ACAP2: variants seen among roughly 807,000 people sequenced by gnomAD.
The protein encoded by ACAP2 is ArfGAP with coiled-coil, ankyrin repeat and PH domains 2.
Under a neutral mutation model 115.8 loss-of-function variants are expected in ACAP2, and 39 were observed. The observed-to-expected ratio is 0.34, with a 90% CI of 0.26 to 0.44. ACAP2 has a LOEUF of 0.44. ACAP2 is among the 20% of genes least tolerant of loss of function. ACAP2 has a pLI of 1.00. For synonymous variants in ACAP2, 289 were observed against 315.8 expected, an observed-to-expected ratio of 0.92 and a Z score of 0.90; for missense variants, 662 against 927.6, an observed-to-expected ratio of 0.71 and a Z score of 3.72.
chr3:195,394,641 G>A (rs537090932), intron 1 of ACAP2, among the ~76,000 whole-genome samples: 2 of 152,246 alleles, frequency 1.3e-5, no homozygotes, highest in East Asian at 3.9e-4. Flanking sequence ...CAGAGCAAAA[G>A]CCAGTCTCTA....
chr3:195,315,568 T>C (rs945461752), intron 10 of ACAP2, among the ~76,000 whole-genome samples: 1 of 152,042 alleles, frequency 6.6e-6, no homozygotes, highest in African/African-American at 2.4e-5. Context: ...TGAGGAAGAG[T>C]TCAGAGTTCC....
intron 1 of ACAP2, among the ~76,000 whole-genome samples, chr3:195,434,233 T>G (rs1715359503): frequency 1.3e-5 from 2 of 151,620 alleles, no homozygotes; most frequent in African/African-American, 4.9e-5. Context: ...TTGGCCTGGT[T>G]TTGTTTTTTT....
intron 4 of ACAP2, among the ~76,000 whole-genome samples, chr3:195,374,526 A>G (rs1733383034): frequency 6.6e-6 from 1 of 152,216 alleles, no homozygotes; most frequent in Admixed American, 6.5e-5. Context: ...TTAAGTTCTA[A>G]TTACATGTGA....
intron 1 of ACAP2, among the ~76,000 whole-genome samples, chr3:195,399,116 T>C (rs2108786545): frequency 6.6e-6 from 1 of 152,292 alleles, no homozygotes; most frequent in Non-Finnish European, 1.5e-5. Context: ...CTAAGTAAGA[T>C]TTCCTCCAGG....
Position 195,342,463 on chromosome 3 carries a change from C to T in ACAP2, c.528+8G>A. On this transcript the variant is annotated splice_region_variant and intron_variant, in intron 6 of 22. Coordinates refer to ENST00000326793, the MANE Select transcript of ACAP2 (RefSeq NM_012287.6). ...GTCTGAAAACATACACAGTAAGAAA[C>T]TATATACCTGAAGCACATAATCGAG... 1.9e-6 allele frequency: 3 copies of T among 1,591,392 alleles called. No homozygotes were observed. Among genetic ancestry groups the T allele is most frequent in the Non-Finnish European group, 2.6e-6 (3 of 1,173,698 alleles).
intron 1 of ACAP2, among the ~76,000 whole-genome samples, chr3:195,404,752 G>A (rs1234864166): frequency 2.7e-5 from 4 of 146,168 alleles, no homozygotes; most frequent in Non-Finnish European, 4.5e-5. Flanking sequence ...ACACACATAC[G>A]TATTTATATA....
chr3:195,325,150 T>C (rs1035753673), intron 9 of ACAP2, among the ~76,000 whole-genome samples: 10 of 152,314 alleles, frequency 6.6e-5, no homozygotes, highest in Middle Eastern at 3.4e-3. Flanking sequence ...AACTCTCATA[T>C]AGTGCTATCT....
chr3:195,348,510 A>G (rs1731330862), intron 4 of ACAP2, among the ~76,000 whole-genome samples: 1 of 152,156 alleles, frequency 6.6e-6, no homozygotes, highest in Non-Finnish European at 1.5e-5. Context: ...GGAAGAACAA[A>G]ACCAAAGACA....
intron 9 of ACAP2, among the ~76,000 whole-genome samples, chr3:195,326,012 A>G (rs1729772623): frequency 6.6e-6 from 1 of 152,106 alleles, no homozygotes; most frequent in Admixed American, 6.6e-5. Flanking sequence ...ATCCATCATC[A>G]ATTAAATTTT....
rs180671596 is a variant in ACAP2, at chr3:195,391,985, A to T, written c.111+105T>A. On this transcript the variant is annotated intron_variant, in intron 2 of 22. Coordinates refer to ENST00000326793, the MANE Select transcript of ACAP2 (RefSeq NM_012287.6). ...ACTTCAGCCTGGGCGACAGAGTGAG[A>T]CTCTGTCTCCAAAAAATAAAAAAGA... 2,391 of 875,334 alleles carry T rather than the reference A, an allele frequency of 2.7e-3. 14 individuals carry two copies. The highest frequency in any genetic ancestry group is 3.0e-3 in the Non-Finnish European group (1,682 of 557,968). 54.2% of individuals were successfully genotyped at this position (875,334 alleles called of 1,614,324 possible).
chr3:195,291,691 A>G lies in ACAP2; in HGVS notation c.2063+15T>C. The G allele has an allele frequency of 6.4e-7, 1 of 1,574,568 alleles. No individual in the cohort carries two copies. The highest frequency in any genetic ancestry group is 8.6e-7 in the Non-Finnish European group (1 of 1,162,648). On this transcript the variant is annotated intron_variant, in intron 20 of 22. Transcript: ENST00000326793. ...TCAAATAAAGTCTCCTTAAATATGA[A>G]AGCACTGCAGTTACCCTGTGTGCCC... is the stretch of plus-strand genomic sequence containing the variant.
intron 6 of ACAP2, among the ~76,000 whole-genome samples, chr3:195,341,225 C>T (rs892311765): frequency 6.6e-6 from 1 of 151,766 alleles, no homozygotes; most frequent in African/African-American, 2.4e-5. Context: ...TCACTTTCAG[C>T]TATAAATTAG....
At chr3:195,357,215 CAG>C (rs946217348) in intron 4 of ACAP2, among the ~76,000 whole-genome samples, 9 of 151,876 alleles carry the variant, frequency 5.9e-5, no homozygotes, top group African/African-American at 1.5e-4. Context: ...GAGGTGGACA[CAG>C]GGGGTGACTC....
intron 10 of ACAP2, among the ~76,000 whole-genome samples, 189 bp downstream of exon 10, chr3:195,320,512 T>C (rs1015948668): frequency 6.6e-6 from 1 of 152,230 alleles, no homozygotes; most frequent in African/African-American, 2.4e-5. Flanking sequence ...ATTTTTAGAA[T>C]TTAGAATTAA....
rs771514397 is a variant in ACAP2, at chr3:195,292,325, G to A, written c.1893C>T (p.Asp631=). 1.1e-5 allele frequency: 18 copies of A among 1,613,542 alleles called. No homozygotes were observed. The highest frequency in any genetic ancestry group is 1.4e-5 in the Non-Finnish European group (16 of 1,179,874). ...TTTCCTCTGAATTGGCCCAGTTCAC[G>A]TCTGCACCATGAGCCAAAGCCTCAG... The part of the protein sequence containing the change: ...KMAEALAHGA[D]VNWANSEENK... The change falls in exon 19 of 23, where the codon GAC becomes GAT. Residue 631 remains aspartate (D), a synonymous_variant. Transcript: ENST00000326793.
In ACAP2 at chr3:195,415,726, TGATAA is replaced by T. The variant is rs1264648979; in HGVS notation, c.54-23584_54-23580del. The stretch of plus-strand genomic sequence containing the variant: ...ATGACTTTATTGCATACCACTGATT[TGATAA>T]ATTTTTGTATGTGCAAAAGATAAAA... On this transcript the variant is annotated intron_variant, in intron 1 of 22. Coordinates refer to ENST00000326793, the MANE Select transcript of ACAP2 (RefSeq NM_012287.6). Among the ~76,000 whole-genome samples the T allele has an allele frequency of 4.6e-5, 7 of 152,348 alleles. No individual in the cohort carries two copies. In the South Asian group the frequency reaches 1.4e-3, roughly 32 times the overall value.
At chr3:195,440,050 T>G (rs1486096399) in intron 1 of ACAP2, among the ~76,000 whole-genome samples, 2 of 152,300 alleles carry the variant, frequency 1.3e-5, no homozygotes, top group Middle Eastern at 3.4e-3. Context: ...CAACATATTT[T>G]GGCCAAAATG....
intron 10 of ACAP2, among the ~76,000 whole-genome samples, chr3:195,309,328 GGTC>G (rs1310139237): frequency 1.3e-5 from 2 of 151,992 alleles, no homozygotes; most frequent in Non-Finnish European, 2.9e-5. Context: ...GATCACCTGA[GGTC>G]GTCAGGAGTT....
chr3:195,360,987 A>G (rs1194079008), intron 4 of ACAP2, among the ~76,000 whole-genome samples: 6 of 78,948 alleles, frequency 7.6e-5, no homozygotes, highest in East Asian at 4.3e-3. Context: ...AGAAACTCAA[A>G]AAAAAAAAAA....
Sources: allele counts gnomAD v4.1 joint callset (sites outside exome capture counted in the v4.1 genomes callset), GRCh38; gene constraint gnomAD v4.1.1; transcripts MANE v1.5; gene names NCBI Gene and HGNC (gene_info 2026-07-23, HGNC 2026-07-21).